The following MAGI3 variants were observed in gnomAD, a reference collection of about 807,000 sequenced individuals.
The protein encoded by MAGI3 is membrane associated guanylate kinase, WW and PDZ domain containing 3.
Under a neutral mutation model 121.8 loss-of-function variants are expected in MAGI3, and 43 were observed. That is an observed-to-expected ratio of 0.35 (90% CI 0.28 to 0.46). The LOEUF (loss-of-function observed/expected upper bound fraction) is 0.46, where lower values mean the gene tolerates loss of function less well. Among genes scored for constraint, MAGI3 ranks in the 20% least tolerant of loss-of-function variants. MAGI3 has a pLI of 1.00. For missense variants in MAGI3, 1,547 were observed against 1,797.3 expected (o/e 0.86, Z 2.52); for synonymous variants, 553 against 639.3 (o/e 0.86, Z 2.04).
intron 6 of MAGI3, among the ~76,000 whole-genome samples, chr1:113,606,242 C>T (rs1359256014): frequency 6.6e-6 from 1 of 152,150 alleles, no homozygotes; most frequent in Admixed American, 6.5e-5. Flanking sequence ...GCTGGGATTA[C>T]AAGTGTGAGC....
intron 6 of MAGI3, among the ~76,000 whole-genome samples, chr1:113,599,378 TA>T (rs527702873): frequency 3.3e-5 from 5 of 151,740 alleles, no homozygotes; most frequent in African/African-American, 1.2e-4. Flanking sequence ...TAAAAAATGA[TA>T]AAAGGGGATA....
chr1:113,672,555 C>T, intron 17 of MAGI3, 60 bp from the exon 18 acceptor site: 1 of 1,559,394 alleles, frequency 6.4e-7, no homozygotes, highest in African/African-American at 1.4e-5. Context: ...AATTAATCTG[C>T]CTTTAGACTG....
At position 113,643,816 on chromosome 1, in the gene MAGI3, G is replaced by A. The variant is rs1652686177; in HGVS notation, c.1998+42G>A. ...CCTCAAATCTTTTCCCCAACACACT[G>A]AGAGAGATGCCACATTCCCCTCTGT... On this transcript the variant is annotated intron_variant, in intron 11 of 20. Transcript: ENST00000307546. 10 of 1,578,382 alleles carry A rather than the reference G, an allele frequency of 6.3e-6. No individual in the cohort carries two copies. The South Asian group carries it at 8.9e-5, about 14-fold the overall frequency.
rs533646100 is a variant in MAGI3, at chr1:113,682,806, G to A, written c.3329-91G>A. On this transcript the variant is annotated intron_variant, in intron 20 of 20. Coordinates refer to ENST00000307546, the MANE Select transcript of MAGI3 (RefSeq NM_001142782.2). ...ATACTCAGGCTTTTTAAGCAGTTAC[G>A]ACAATTCAAATGGCTGTCAAAGTTC... is the stretch of plus-strand genomic sequence containing the variant. 92 of 1,454,982 alleles carry A rather than the reference G, an allele frequency of 6.3e-5. No individual in the cohort carries two copies. The East Asian group carries it at 1.8e-3, about 29-fold the overall frequency. The allele number at this position is 1,454,982 out of a possible 1,614,324, so 90.1% of individuals were successfully genotyped here.
chr1:113,524,508 G>A (rs1017272254), intron 1 of MAGI3, among the ~76,000 whole-genome samples: 3 of 152,082 alleles, frequency 2.0e-5, no homozygotes, highest in African/African-American at 7.2e-5. Flanking sequence ...TGGAGTCTAA[G>A]GGGATAATTT....
intron 1 of MAGI3, among the ~76,000 whole-genome samples, chr1:113,463,544 A>G (rs1655135286): frequency 6.6e-6 from 1 of 152,110 alleles, no homozygotes; most frequent in African/African-American, 2.4e-5. Flanking sequence ...AAGAATAGGG[A>G]TCTTTGATGA....
intron 12 of MAGI3, 69 bp downstream of exon 12, chr1:113,646,711 C>A: frequency 2.5e-6 from 3 of 1,202,508 alleles, no homozygotes; most frequent in Non-Finnish European, 3.4e-6. Context: ...TAGACTAGGA[C>A]CTTCCCATCT....
chr1:113,600,431 GACAA>G (rs1206242458), intron 6 of MAGI3, among the ~76,000 whole-genome samples: 4 of 150,740 alleles, frequency 2.7e-5, no homozygotes, highest in African/African-American at 9.7e-5. Context: ...ACCAATAACA[GACAA>G]ACAGAGAGCC....
At chr1:113,601,157 T>C (rs1033721534) in intron 6 of MAGI3, among the ~76,000 whole-genome samples, 4 of 151,916 alleles carry the variant, frequency 2.6e-5, no homozygotes, top group Non-Finnish European at 4.4e-5. Context: ...GACATAGGCA[T>C]GGGCAAGGAC....
chr1:113,540,291 C>G (rs531278859), intron 1 of MAGI3, among the ~76,000 whole-genome samples: 4 of 152,156 alleles, frequency 2.6e-5, no homozygotes, highest in Non-Finnish European at 5.9e-5. Context: ...TTGGAGGATA[C>G]AGAGACACAC....
intron 1 of MAGI3, among the ~76,000 whole-genome samples, chr1:113,480,897 G>GA (rs1656079705): frequency 6.6e-6 from 1 of 152,170 alleles, no homozygotes; most frequent in Admixed American, 6.5e-5. Context: ...ATCATCCTAA[G>GA]AAGCACAGAT....
chr1:113,624,340 C>A (rs1012787498), intron 9 of MAGI3, among the ~76,000 whole-genome samples: 1 of 152,146 alleles, frequency 6.6e-6, no homozygotes, highest in South Asian at 2.1e-4. Context: ...TATGAGGGTT[C>A]CCTTTTCACC....
Position 113,515,101 on chromosome 1 carries a change from C to T in MAGI3, c.317-34414C>T, listed in dbSNP as rs17031600. Among the ~76,000 whole-genome samples, 458 of 152,050 alleles carry T rather than the reference C, an allele frequency of 3.0e-3. 12 individuals carry two copies. Among genetic ancestry groups the T allele is most frequent in the Admixed American group, 0.02 (306 of 15,254 alleles). On this transcript the variant is annotated intron_variant, in intron 1 of 20. Transcript: ENST00000307546. ...AATAAAAGTTTCTCTTGTGATGAACCTCACAGTGGCAAAATGTAGATATGA... is the reference window on the plus strand; with the variant it reads ...AATAAAAGTTTCTCTTGTGATGAACTTCACAGTGGCAAAATGTAGATATGA...
intron 1 of MAGI3, among the ~76,000 whole-genome samples, chr1:113,534,864 C>T (rs1658893398): frequency 1.3e-5 from 2 of 151,826 alleles, no homozygotes; most frequent in Admixed American, 1.3e-4. Flanking sequence ...TTGTTTTTCT[C>T]CTGTCCATGT....
At position 113,415,696 on chromosome 1, in the gene MAGI3, C is replaced by G. The variant is rs528016048; in HGVS notation, c.316+24347C>G. 1.8e-4 allele frequency among the ~76,000 whole-genome samples: 27 copies of G among 152,084 alleles called. 2 individuals carry two copies. In the South Asian group the frequency reaches 5.6e-3, roughly 32 times the overall value. On this transcript the variant is annotated intron_variant, in intron 1 of 20. Coordinates refer to ENST00000307546, the MANE Select transcript of MAGI3 (RefSeq NM_001142782.2). The stretch of plus-strand genomic sequence containing the variant: ...TGTGGACCCAGCCTACTCTTCCAGC[C>G]TCACATCCAGTTATTCTCTCCTACA...
chr1:113,391,182 A>G lies in MAGI3; in HGVS notation c.149A>G (p.Glu50Gly). Residue 50 changes from glutamate to glycine, a missense_variant, in exon 1 of 21, where the codon GAG becomes GGG. Coordinates refer to ENST00000307546, the MANE Select transcript of MAGI3 (RefSeq NM_001142782.2). The surrounding 1 kb of genome is among the most constrained non-coding windows in gnomAD (Gnocchi z 4.4). ...TTCCCCTACCTGGGGCGGCTCCGCG[A>G]GGAGCCCGGCGGGGGCACCTGCTGC... The part of the protein sequence containing the change: ...GEFPYLGRLR[E>G]EPGGGTCCVV... 6.4e-7 allele frequency: 1 copy of G among 1,552,794 alleles called. No homozygotes were observed. The highest frequency in any genetic ancestry group is 8.7e-7 in the Non-Finnish European group (1 of 1,148,734).
chr1:113,473,202 A>G (rs1421524131), intron 1 of MAGI3, among the ~76,000 whole-genome samples: 1 of 151,908 alleles, frequency 6.6e-6, no homozygotes, highest in Non-Finnish European at 1.5e-5. Flanking sequence ...TCTGAAGGAC[A>G]CCTTTGCTAG....
At chr1:113,644,015 A>G (rs1395042117) in intron 11 of MAGI3, among the ~76,000 whole-genome samples, 2 of 152,226 alleles carry the variant, frequency 1.3e-5, no homozygotes, top group Non-Finnish European at 2.9e-5. Context: ...TATTGTACCA[A>G]TAATCCTGTT....
At chr1:113,449,390 A>T (rs1019316050) in intron 1 of MAGI3, among the ~76,000 whole-genome samples, 3 of 94,040 alleles carry the variant, frequency 3.2e-5, no homozygotes, top group East Asian at 6.7e-4. Context: ...TGTGTGTGTG[A>T]CAGAGAGAGA....
Sources: allele counts gnomAD v4.1 joint callset (sites outside exome capture counted in the v4.1 genomes callset), GRCh38; gene constraint gnomAD v4.1.1; non-coding constraint Gnocchi (gnomAD v3.1); transcripts MANE v1.5; gene names NCBI Gene and HGNC (gene_info 2026-07-23, HGNC 2026-07-21).